Variants in NOS1 observed in about 807,000 individuals in gnomAD.
NOS1 encodes NOS type I.
Under a neutral mutation model 164.5 loss-of-function variants are expected in NOS1, and 51 were observed. The ratio of observed to expected loss-of-function variants is 0.31; its 90% CI spans 0.25 to 0.39. The LOEUF (loss-of-function observed/expected upper bound fraction) is 0.39. Among genes scored for constraint, NOS1 ranks in the 10% least tolerant of loss-of-function variants. The pLI, the probability that NOS1 is intolerant of heterozygous loss-of-function variation, is 1.00. For missense variants in NOS1, 1,362 were observed against 1,885.6 expected, an observed-to-expected ratio of 0.72 and a Z score of 5.14; for synonymous variants, 719 against 745.8, an observed-to-expected ratio of 0.96 and a Z score of 0.59.
intron 3 of NOS1, among the ~76,000 whole-genome samples, chr12:117,295,452 GAT>G (rs1332620459): frequency 6.6e-6 from 1 of 152,068 alleles, no homozygotes; most frequent in Non-Finnish European, 1.5e-5. Context: ...CTAGTATTTT[GAT>G]AGAGTCCAAG....
intron 3 of NOS1, among the ~76,000 whole-genome samples, chr12:117,308,763 A>T (rs1201087404): frequency 6.6e-6 from 1 of 151,762 alleles, no homozygotes; most frequent in Non-Finnish European, 1.5e-5. Flanking sequence ...TGCCCAGCTA[A>T]TTTTTGTATT....
chr12:117,330,744 G>T lies in NOS1; in HGVS notation c.326C>A (p.Thr109Asn). The T allele has an allele frequency of 1.9e-6, 3 of 1,614,080 alleles. No individual in the cohort carries two copies. Among genetic ancestry groups the T allele is most frequent in the Non-Finnish European group, 2.5e-6 (3 of 1,179,986 alleles). The change falls in exon 2 of 29, where the codon ACC becomes AAC. Residue 109 changes from threonine (T) to asparagine (N), a missense_variant. By Grantham distance (65) the Thr-to-Asn change is moderately conservative. Transcript: ENST00000317775. This position sits in a 1 kb window ranked among gnomAD's most constrained non-coding sequence, Gnocchi z 4.6. ...GPEGFTTHLE[T>N]TFTGDGTPKT... Reference sequence around the variant, plus strand: ...GGGGGTCCCATCACCTGTAAAGGTGGTCTCCAGGTGCGTGGTGAAACCTTC... The same window carrying T: ...GGGGGTCCCATCACCTGTAAAGGTGTTCTCCAGGTGCGTGGTGAAACCTTC...
intron 2 of NOS1, among the ~76,000 whole-genome samples, chr12:117,320,022 C>T (rs1874844038): frequency 6.6e-6 from 1 of 152,160 alleles, no homozygotes; most frequent in African/African-American, 2.4e-5. Context: ...GAAGGAGGGG[C>T]TAGAAGCAAG....
rs41514244 is a variant in NOS1 at position 117,330,612 on chromosome 12, G to A, written c.458C>T (p.Ser153Leu). Residue 153 changes from serine to leucine, a missense_variant, in exon 2 of 29, where the codon TCG becomes TTG. Transcript: ENST00000317775. The surrounding 1 kb of genome is among the most constrained non-coding windows in gnomAD (Gnocchi z 4.6). ...ATGCTGAGGCCCATTCCCGGGACCCGAGGCCCCATCCACTGCCAGGGGCTG... is the reference window on the plus strand; with the variant it reads ...ATGCTGAGGCCCATTCCCGGGACCCAAGGCCCCATCCACTGCCAGGGGCTG... ...KEQPLAVDGASGPGNGPQHAY... is the reference protein window; with the variant it reads ...KEQPLAVDGALGPGNGPQHAY... 1,907 of 1,611,658 alleles carry A rather than the reference G, an allele frequency of 1.2e-3. 22 individuals are homozygous for A. The African/African-American group carries it at 0.023, about 19-fold the overall frequency.
chr12:117,223,349 C>T (rs1868374927), intron 25 of NOS1, among the ~76,000 whole-genome samples: 1 of 151,384 alleles, frequency 6.6e-6, no homozygotes, highest in African/African-American at 2.4e-5. Flanking sequence ...GCAACCTCCA[C>T]CTCCCGGGTT....
At chr12:117,266,311 T>C (rs1407785921) in intron 11 of NOS1, among the ~76,000 whole-genome samples, 1 of 151,938 alleles carries the variant, frequency 6.6e-6, no homozygotes, top group Non-Finnish European at 1.5e-5. Flanking sequence ...TCTTAGGCCT[T>C]TGCGTCCTCG....
intron 1 of NOS1, among the ~76,000 whole-genome samples, chr12:117,343,612 G>C (rs756239603): frequency 6.6e-6 from 1 of 152,174 alleles, no homozygotes; most frequent in Non-Finnish European, 1.5e-5. Context: ...GATGGACACC[G>C]TAAAGGGCAC....
chr12:117,226,905 C>T, intron 23 of NOS1, 135 bp from the exon 24 acceptor site: 4 of 695,242 alleles, frequency 5.8e-6, no homozygotes, highest in Non-Finnish European at 1.0e-5. Context: ...ATCCCTTCCT[C>T]TGAAGGGCAA....
At position 117,222,800 on chromosome 12, in the gene NOS1, T is replaced by C; in HGVS notation, c.3890A>G (p.Tyr1297Cys). Reference sequence around the variant, plus strand: ...CTTGGCCTGCAGGGTCTCTTCCCTGTAGATATGATCTATCTTGGATTGCCG... The same window carrying C: ...CTTGGCCTGCAGGGTCTCTTCCCTGCAGATATGATCTATCTTGGATTGCCG... Reference protein sequence around the residue: ...GCRQSKIDHIYREETLQAKNK... With the variant: ...GCRQSKIDHICREETLQAKNK... Residue 1297 changes from tyrosine (Y) to cysteine (C), a missense_variant, in exon 26 of 29, where the codon TAC (tyrosine) becomes TGC (cysteine). By Grantham distance (194) the Tyr-to-Cys change is radical. This residue lies in a region of NOS1 where 737 missense variants were observed against 1,030.3 expected (regional missense o/e 0.72). Coordinates refer to ENST00000317775, the MANE Select transcript of NOS1 (RefSeq NM_000620.5). 1 of 1,613,960 alleles carries C rather than the reference T, an allele frequency of 6.2e-7. No homozygotes were observed. The highest frequency in any genetic ancestry group is 8.5e-7 in the Non-Finnish European group (1 of 1,179,954).
At chr12:117,341,057 A>G (rs1415302774) in intron 1 of NOS1, among the ~76,000 whole-genome samples, 2 of 151,928 alleles carry the variant, frequency 1.3e-5, no homozygotes, top group Non-Finnish European at 2.9e-5. Flanking sequence ...ATTACAATGC[A>G]CCATAGACTA....
rs1448273341 is a variant in NOS1, at chr12:117,234,691, G to C, written c.3109C>G (p.His1037Asp). 1.2e-6 allele frequency: 2 copies of C among 1,614,166 alleles called. No homozygotes were observed. Among genetic ancestry groups the C allele is most frequent in the Non-Finnish European group, 1.7e-6 (2 of 1,180,006 alleles). ...TGGTTGCCAGGGAAGACACCCAGGT[G>C]GTCCCCAGGCTGGTACTGCAGCTCC... ...SQELQYQPGD[H>D]LGVFPGNHED... The change falls in exon 21 of 29, where the codon CAC (histidine) becomes GAC (aspartate). Residue 1037 changes from histidine to aspartate, a missense_variant. By Grantham distance (81) the His-to-Asp change is moderately conservative. Coordinates refer to ENST00000317775, the MANE Select transcript of NOS1 (RefSeq NM_000620.5). The surrounding 1 kb of genome is among the most constrained non-coding windows in gnomAD (Gnocchi z 4.3).
At chr12:117,339,370 G>A (rs562023661) in intron 1 of NOS1, among the ~76,000 whole-genome samples, 1 of 152,340 alleles carries the variant, frequency 6.6e-6, no homozygotes, top group Admixed American at 6.5e-5. Context: ...ATTAATGATT[G>A]TTTAAAATGT....
intron 1 of NOS1, among the ~76,000 whole-genome samples, chr12:117,350,228 T>A (rs549685700): frequency 6.6e-6 from 1 of 152,360 alleles, no homozygotes; most frequent in African/African-American, 2.4e-5. Flanking sequence ...GAACCTTTTG[T>A]GCTTTGATAA....
intron 12 of NOS1, among the ~76,000 whole-genome samples, chr12:117,264,863 A>G (rs1294764886): frequency 6.6e-6 from 1 of 151,772 alleles, no homozygotes; most frequent in East Asian, 1.9e-4. Flanking sequence ...GGCATACGCC[A>G]GGCTAATTTT....
At chr12:117,237,836 C>T (rs967479428) in intron 20 of NOS1, among the ~76,000 whole-genome samples, 1 of 152,076 alleles carries the variant, frequency 6.6e-6, no homozygotes, top group Admixed American at 6.6e-5. Flanking sequence ...CAGCAAAGTG[C>T]CCTATTCTCA....
Position 117,272,487 on chromosome 12 carries a change from A to T in NOS1, c.1737T>A (p.Ile579=). 2 of 1,614,192 alleles carry T rather than the reference A, an allele frequency of 1.2e-6. No homozygotes were observed. Among genetic ancestry groups the T allele is most frequent in the Admixed American group, 1.7e-5 (1 of 60,024 alleles). The part of the protein sequence containing the change: ...LPAVSNMLLE[I]GGLEFSACPF... Reference sequence around the variant, plus strand: ...GACAGGCGCTGAACTCCAGGCCGCCAATCTCTAGGAGCATGTTGGACACGG... The same window carrying T: ...GACAGGCGCTGAACTCCAGGCCGCCTATCTCTAGGAGCATGTTGGACACGG... The change falls in exon 10 of 29, where the codon ATT becomes ATA. Residue 579 remains isoleucine, a synonymous_variant. Transcript: ENST00000317775. The surrounding 1 kb of genome is among the most constrained non-coding windows in gnomAD (Gnocchi z 4.3).
chr12:117,222,976 C>G (rs1272254089), intron 25 of NOS1, 113 bp from the exon 26 acceptor site: 1 of 1,208,996 alleles, frequency 8.3e-7, no homozygotes, highest in Non-Finnish European at 1.2e-6. Context: ...CGGATAGAGG[C>G]TCACAAACAC....
intron 1 of NOS1, among the ~76,000 whole-genome samples, chr12:117,336,903 C>A (rs2136080605): frequency 6.6e-6 from 1 of 151,628 alleles, no homozygotes; most frequent in African/African-American, 2.4e-5. Flanking sequence ...CTCAAGTGAT[C>A]CTCCTACTTC....
Position 117,234,525 on chromosome 12 carries a change from G to C in NOS1, c.3235+40C>G. The C allele has an allele frequency of 6.3e-7, 1 of 1,582,436 alleles. No individual in the cohort carries two copies. Among genetic ancestry groups the C allele is most frequent in the Non-Finnish European group, 8.6e-7 (1 of 1,158,462 alleles). On this transcript the variant is annotated intron_variant, in intron 21 of 28. Transcript: ENST00000317775. This position sits in a 1 kb window ranked among gnomAD's most constrained non-coding sequence, Gnocchi z 4.3. ...TCTTCCCGAGACACCCACTGCCTCT[G>C]CAGCTCCCTAGAGCAGGGAAGGGTC... is the stretch of plus-strand genomic sequence containing the variant.
Sources: allele counts gnomAD v4.1 joint callset (sites outside exome capture counted in the v4.1 genomes callset), GRCh38; gene constraint gnomAD v4.1.1; regional missense constraint gnomAD v4.1.1; non-coding constraint Gnocchi (gnomAD v3.1); transcripts MANE v1.5; gene names NCBI Gene and HGNC (gene_info 2026-07-23, HGNC 2026-07-21).